NIT2: variants seen among roughly 807,000 people sequenced by gnomAD.
NIT2 encodes the protein nitrilase family member 2.
NIT2 carries 46 observed loss-of-function variants against 42.7 expected under a neutral mutation model. The ratio of observed to expected loss-of-function variants is 1.08; its 90% CI spans 0.85 to 1.38. NIT2 has a LOEUF of 1.38. NIT2 is among the 40% of genes most tolerant of loss of function. NIT2 has a pLI of 0.00. For synonymous variants in NIT2, 123 were observed against 121.9 expected (o/e 1.01, Z -0.06); for missense variants, 309 against 342.5 (o/e 0.90, Z 0.77).
Position 100,345,895 on chromosome 3 carries a change from T to TA in NIT2, c.430+218dup, listed in dbSNP as rs927498196. The TA allele has an allele frequency of 6.7e-6, 4 of 601,282 alleles. No individual in the cohort carries two copies. The Admixed American group carries it at 8.9e-5, about 13-fold the overall frequency. The allele number at this position is 601,282 out of a possible 1,614,324, so 37.2% of individuals were successfully genotyped here. Reference sequence around the variant, plus strand: ...CTTTGATTTGATTGTAGCTTCCTGTTACGGCTTCCAGAGTATACCTATTAG... The same window carrying TA: ...CTTTGATTTGATTGTAGCTTCCTGTTAACGGCTTCCAGAGTATACCTATTAG... On this transcript the variant is annotated intron_variant, in intron 5 of 9. Coordinates refer to ENST00000394140, the MANE Select transcript of NIT2 (RefSeq NM_020202.5).
rs780714034 is a variant in NIT2 at position 100,348,794 on chromosome 3, C to T, written c.506-9C>T. The T allele has an allele frequency of 2.5e-6, 4 of 1,613,560 alleles. No homozygotes were observed. The highest frequency in any genetic ancestry group is 3.4e-6 in the Non-Finnish European group (4 of 1,179,552). On this transcript the variant is annotated splice_polypyrimidine_tract_variant and intron_variant, in intron 6 of 9. Coordinates refer to ENST00000394140, the MANE Select transcript of NIT2 (RefSeq NM_020202.5). ...GCATCCACTGTTCTTTGGCTTTTCT[C>T]TCCCCAAGGCTGCCAGCTGTTGGTA...
chr3:100,355,180 TGAA>T lies in NIT2; in HGVS notation c.748_750del (p.Lys250del). ...TGCACTTTCCTGTTTTTTGCAGACC[TGAA>T]GAAGCTGGCTGAAATACGCCAGCAA... On this transcript the variant is annotated inframe_deletion, in exon 10 of 10. Transcript: ENST00000394140. 1.2e-6 allele frequency: 2 copies of T among 1,613,810 alleles called. No homozygotes were observed. Among genetic ancestry groups the T allele is most frequent in the Non-Finnish European group, 1.7e-6 (2 of 1,179,736 alleles).
Position 100,341,536 on chromosome 3 carries a change from T to G in NIT2, c.336+375T>G, listed in dbSNP as rs1706153596. On this transcript the variant is annotated intron_variant, in intron 4 of 9. Transcript: ENST00000394140. ...GGTGCCCACCACCATGCCCAGCTAATTTTTTGTATTTTTAGTAGAGACTTG... is the reference window on the plus strand; with the variant it reads ...GGTGCCCACCACCATGCCCAGCTAAGTTTTTGTATTTTTAGTAGAGACTTG... Among the ~76,000 whole-genome samples, 3 of 152,034 alleles carry G rather than the reference T, an allele frequency of 2.0e-5. No individual in the cohort carries two copies. The South Asian group carries it at 6.2e-4, about 32-fold the overall frequency.
chr3:100,338,946 A>G (rs1706109778), intron 1 of NIT2, 141 bp from the exon 2 acceptor site: 1 of 697,218 alleles, frequency 1.4e-6, no homozygotes, highest in Non-Finnish European at 2.6e-6. Flanking sequence ...ATACCTCATC[A>G]GTTGTGGCAT....
At chr3:100,341,218 G>A (rs1257517057) in intron 4 of NIT2, 57 bp downstream of exon 4, 32 of 1,341,608 alleles carry the variant, frequency 2.4e-5, no homozygotes, top group Non-Finnish European at 4.3e-6. Context: ...ACAATGTGTG[G>A]AAAAAAAATT....
chr3:100,334,995 T>C (rs1344185711), intron 1 of NIT2, 197 bp downstream of exon 1: 1 of 578,054 alleles, frequency 1.7e-6, no homozygotes, highest in Non-Finnish European at 2.9e-6. Flanking sequence ...ATTCCAGGCT[T>C]CCGGGGTGGC....
In NIT2 at chr3:100,355,171, T is replaced by C; in HGVS notation, c.740-6T>C. 2 of 1,613,108 alleles carry C rather than the reference T, an allele frequency of 1.2e-6. No individual in the cohort carries two copies. The highest frequency in any genetic ancestry group is 1.7e-6 in the Non-Finnish European group (2 of 1,179,174). ...TATTAATAGTGCACTTTCCTGTTTTTTGCAGACCTGAAGAAGCTGGCTGAA... is the reference window on the plus strand; with the variant it reads ...TATTAATAGTGCACTTTCCTGTTTTCTGCAGACCTGAAGAAGCTGGCTGAA... On this transcript the variant is annotated splice_polypyrimidine_tract_variant and splice_region_variant and intron_variant, in intron 9 of 9. Transcript: ENST00000394140.
At chr3:100,351,901 C>G (rs277645) in intron 7 of NIT2, among the ~76,000 whole-genome samples, 1 of 151,804 alleles carries the variant, frequency 6.6e-6, no homozygotes, top group Non-Finnish European at 1.5e-5. Flanking sequence ...TGAACTCCAA[C>G]AAATTTACAA....
intron 1 of NIT2, among the ~76,000 whole-genome samples, chr3:100,338,430 C>T (rs1706104126): frequency 1.3e-5 from 2 of 152,188 alleles, no homozygotes; most frequent in African/African-American, 4.8e-5. Flanking sequence ...GGACCCCTGT[C>T]CTGTGAATAG....
chr3:100,334,956 G>A, intron 1 of NIT2, 158 bp downstream of exon 1: 2 of 716,566 alleles, frequency 2.8e-6, no homozygotes, highest in Non-Finnish European at 2.0e-6. Flanking sequence ...CCGGGATCGC[G>A]TGGCCGGGCG....
At chr3:100,335,118 A>T (rs1463088054) in intron 1 of NIT2, 1 of 418,556 alleles carries the variant, frequency 2.4e-6, no homozygotes, top group African/African-American at 2.2e-5. Flanking sequence ...CGGTGGTAGG[A>T]TCCAACTCCC....
At position 100,346,054 on chromosome 3, in the gene NIT2, T is replaced by C. The variant is rs180826239; in HGVS notation, c.431-127T>C. On this transcript the variant is annotated intron_variant, in intron 5 of 9. Transcript: ENST00000394140. ...GGAATGAGCTTGTAAATTATCTCTG[T>C]CCTCAGGTCCTGTGTTAATTTATCC... is the stretch of plus-strand genomic sequence containing the variant. 3.8e-4 allele frequency: 267 copies of C among 701,318 alleles called. 2 individuals are homozygous for C. The highest frequency in any genetic ancestry group is 5.7e-4 in the Non-Finnish European group (226 of 397,678). The allele number at this position is 701,318 out of a possible 1,614,324, so 43.4% of individuals were successfully genotyped here. A position where few individuals can be genotyped will look rare whatever the true frequency, so the allele number is the denominator to read the frequency against.
chr3:100,345,835 T>G (rs1186157181), intron 5 of NIT2, 157 bp downstream of exon 5: 2 of 629,210 alleles, frequency 3.2e-6, no homozygotes, highest in African/African-American at 1.8e-5. Flanking sequence ...AAGTTCGGGC[T>G]TATTTGAGAA....
intron 6 of NIT2, 25 bp from the exon 7 acceptor site, chr3:100,348,778 G>A (rs1206444434): frequency 6.2e-7 from 1 of 1,608,306 alleles, no homozygotes; most frequent in Non-Finnish European, 8.5e-7. Context: ...TGCATCCACT[G>A]TTCTTTGGCT....
At chr3:100,355,034 C>A in intron 9 of NIT2, 143 bp from the exon 10 acceptor site, 1 of 724,494 alleles carries the variant, frequency 1.4e-6, no homozygotes, top group Non-Finnish European at 2.3e-6. Context: ...GAAATGATGC[C>A]AGGCCATCTG....
In NIT2 at chr3:100,355,963, A is replaced by T. The variant is rs1348943559; in HGVS notation, c.*695A>T. 2 of 152,064 alleles carry T rather than the reference A, an allele frequency of 1.3e-5. No homozygotes were observed. Among genetic ancestry groups the T allele is most frequent in the African/African-American group, 2.4e-5 (1 of 41,392 alleles). 9.4% of individuals were successfully genotyped at this position (152,064 alleles called of 1,614,324 possible). A position where few individuals can be genotyped will look rare whatever the true frequency, so the allele number is the denominator to read the frequency against. On this transcript the variant is annotated 3_prime_UTR_variant, in exon 10 of 10. Transcript: ENST00000394140. Reference sequence around the variant, plus strand: ...GCGTTGAGTGTCTGAAAGTCCCATTATTTTTCTTTTTTCTTTTTCCCCAGT... The same window carrying T: ...GCGTTGAGTGTCTGAAAGTCCCATTTTTTTTCTTTTTTCTTTTTCCCCAGT...
intron 1 of NIT2, among the ~76,000 whole-genome samples, chr3:100,336,178 A>G (rs890675714): frequency 6.6e-5 from 10 of 152,186 alleles, no homozygotes; most frequent in Non-Finnish European, 1.2e-4. Context: ...ACAGGCCTTC[A>G]TCAGAGGCCA....
Position 100,356,395 on chromosome 3 carries a change from G to T in NIT2, c.*1127G>T, listed in dbSNP as rs2148885701. ...GTGCACAATCAGCTCTGGGGAGCTG[G>T]TGCAATCCTGCCCTAGCACACCACT... On this transcript the variant is annotated 3_prime_UTR_variant, in exon 10 of 10. Coordinates refer to ENST00000394140, the MANE Select transcript of NIT2 (RefSeq NM_020202.5). 6.6e-6 allele frequency: 1 copy of T among 152,278 alleles called. No homozygotes were observed. Among genetic ancestry groups the T allele is most frequent in the South Asian group, 2.1e-4 (1 of 4,826 alleles). 9.4% of individuals were successfully genotyped at this position (152,278 alleles called of 1,614,324 possible). A position where few individuals can be genotyped will look rare whatever the true frequency, so the allele number is the denominator to read the frequency against.
In NIT2 at chr3:100,356,384, C is replaced by T. The variant is rs1191164499; in HGVS notation, c.*1116C>T. 6.6e-6 allele frequency: 1 copy of T among 152,176 alleles called. No individual in the cohort carries two copies. Among genetic ancestry groups the T allele is most frequent in the African/African-American group, 2.4e-5 (1 of 41,420 alleles). 9.4% of individuals were successfully genotyped at this position (152,176 alleles called of 1,614,324 possible). A position where few individuals can be genotyped will look rare whatever the true frequency, so the allele number is the denominator to read the frequency against. On this transcript the variant is annotated 3_prime_UTR_variant, in exon 10 of 10. Coordinates refer to ENST00000394140, the MANE Select transcript of NIT2 (RefSeq NM_020202.5). The stretch of plus-strand genomic sequence containing the variant: ...TGGGAATAGATGTGCACAATCAGCT[C>T]TGGGGAGCTGGTGCAATCCTGCCCT...
Sources: gnomAD v4.1 joint callset for allele counts (sites outside exome capture counted in the v4.1 genomes callset) on GRCh38, gnomAD v4.1.1 for gene constraint, MANE v1.5 for transcripts, NCBI Gene and HGNC (gene_info 2026-07-23, HGNC 2026-07-21) for gene names.